VPS41: variants seen among roughly 807,000 people sequenced by gnomAD.
The protein encoded by VPS41 is VPS41 subunit of HOPS complex.
Under a neutral mutation model 130.9 loss-of-function variants are expected in VPS41, and 85 were observed. The ratio of observed to expected loss-of-function variants is 0.65; its 90% CI spans 0.55 to 0.78. The LOEUF (loss-of-function observed/expected upper bound fraction) is 0.78. Ranked by LOEUF, VPS41 falls within the 30% of genes least tolerant of loss-of-function variation. VPS41 has a pLI of 0.00. For synonymous variants in VPS41, 335 were observed against 332.9 expected (o/e 1.01, Z -0.07); for missense variants, 874 against 1,018.7 (o/e 0.86, Z 1.93).
At chr7:38,839,991 C>T (rs183920703) in intron 4 of VPS41, among the ~76,000 whole-genome samples, 1 of 152,326 alleles carries the variant, frequency 6.6e-6, no homozygotes, top group East Asian at 1.9e-4. Flanking sequence ...CCACTCAGTG[C>T]TCCGGGGCCT....
At position 38,776,689 on chromosome 7, in the gene VPS41, G is replaced by T; in HGVS notation, c.872C>A (p.Ser291Ter). Residue 291 changes from serine (S) to a stop codon, truncating the protein, a stop_gained, in exon 11 of 29, where the codon TCA becomes TAA. Transcript: ENST00000310301. LOFTEE classifies it high-confidence loss of function. ...LVVLSYVKEISEKTEREYCAR... is the reference protein window; with the variant it reads ...LVVLSYVKEI ...GGAGAAAATAATTACCGTTTTTTCT[G>T]AAATCTCCTTTACATACGAAAGTAC... 1 of 1,599,586 alleles carries T rather than the reference G, an allele frequency of 6.3e-7. No individual in the cohort carries two copies. Among genetic ancestry groups the T allele is most frequent in the Non-Finnish European group, 8.6e-7 (1 of 1,167,316 alleles).
At chr7:38,827,369 A>G (rs1384695122) in intron 5 of VPS41, among the ~76,000 whole-genome samples, 1 of 152,214 alleles carries the variant, frequency 6.6e-6, no homozygotes, top group Non-Finnish European at 1.5e-5. Context: ...ACGTCACACA[A>G]TATGAATGAA....
At chr7:38,858,941 G>C (rs1360277198) in intron 4 of VPS41, among the ~76,000 whole-genome samples, 2 of 152,116 alleles carry the variant, frequency 1.3e-5, no homozygotes, top group Non-Finnish European at 2.9e-5. Context: ...CAAGAAGAAG[G>C]CATTGTTATC....
Position 38,743,447 on chromosome 7 carries a change from C to A in VPS41, c.2077G>T (p.Gly693Ter). Residue 693 changes from glycine to a stop codon, truncating the protein, a stop_gained, in exon 24 of 29, where the codon GGA becomes TGA. Transcript: ENST00000310301. LOFTEE classifies it high-confidence loss of function. ...AIEFAKEQDD[G>*]ELWEDLILYS... Reference sequence around the variant, plus strand: ...AAAATCAAATCTTCCCACAGCTCTCCATCATCTTGCTCCTTGGCAAATTCG... The same window carrying A: ...AAAATCAAATCTTCCCACAGCTCTCAATCATCTTGCTCCTTGGCAAATTCG... 6.2e-7 allele frequency: 1 copy of A among 1,614,022 alleles called. No homozygotes were observed.
rs1272807844 is a variant in VPS41, at chr7:38,821,055, C to A, written c.384+148G>T. ...ATACACATTCTGTCTTCTTTCACAG[C>A]ATCTAAATAGTATCCAGTACATCTG... On this transcript the variant is annotated intron_variant, in intron 6 of 28. Coordinates refer to ENST00000310301, the MANE Select transcript of VPS41 (RefSeq NM_014396.4). 4 of 616,034 alleles carry A rather than the reference C, an allele frequency of 6.5e-6. No homozygotes were observed. In the East Asian group the frequency reaches 1.1e-4, roughly 17 times the overall value. The allele number at this position is 616,034 out of a possible 1,614,324, so 38.2% of individuals were successfully genotyped here.
intron 7 of VPS41, among the ~76,000 whole-genome samples, chr7:38,806,878 A>G (rs563850685): frequency 6.6e-6 from 1 of 152,322 alleles, no homozygotes; most frequent in South Asian, 2.1e-4. Context: ...CTCTTGATGA[A>G]TATAAACAAT....
intron 2 of VPS41, among the ~76,000 whole-genome samples, chr7:38,881,133 G>A (rs990801138): frequency 6.6e-6 from 1 of 152,206 alleles, no homozygotes; most frequent in Non-Finnish European, 1.5e-5. Flanking sequence ...GTACAGTGCT[G>A]TAGATTAGAA....
intron 3 of VPS41, among the ~76,000 whole-genome samples, chr7:38,867,467 C>A (rs1400350348): frequency 6.6e-6 from 1 of 151,886 alleles, no homozygotes; most frequent in Non-Finnish European, 1.5e-5. Flanking sequence ...ATTGCTTGAA[C>A]CTGGGAGGCG....
chr7:38,784,844 C>G (rs1006059897), intron 10 of VPS41, among the ~76,000 whole-genome samples: 8 of 152,140 alleles, frequency 5.3e-5, no homozygotes, highest in Non-Finnish European at 7.3e-5. Flanking sequence ...GTACACAGAA[C>G]TTGCACTGCC....
intron 25 of VPS41, among the ~76,000 whole-genome samples, chr7:38,739,011 C>T (rs535283785): frequency 7.9e-5 from 12 of 152,332 alleles, no homozygotes; most frequent in African/African-American, 2.6e-4. Context: ...TTTCCCACAA[C>T]ATTCTCTAAC....
rs1210042074 is a variant in VPS41, at chr7:38,872,514, A to C, written c.61-3261T>G. Among the ~76,000 whole-genome samples, 16 of 152,242 alleles carry C rather than the reference A, an allele frequency of 1.1e-4. 2 individuals are homozygous for C. The highest frequency in any genetic ancestry group is 1.0e-3 in the Admixed American group (16 of 15,280). The stretch of plus-strand genomic sequence containing the variant: ...AAATTCAATTCCCTTGTTATACATA[A>C]GCTATTAGCTGTTTATTTCGGATGC... On this transcript the variant is annotated intron_variant, in intron 2 of 28. Coordinates refer to ENST00000310301, the MANE Select transcript of VPS41 (RefSeq NM_014396.4).
At chr7:38,886,697 T>A (rs772822429) in intron 2 of VPS41, among the ~76,000 whole-genome samples, 4 of 152,196 alleles carry the variant, frequency 2.6e-5, no homozygotes, top group Non-Finnish European at 4.4e-5. Context: ...TGAGCTCCAA[T>A]AACGGACAGA....
chr7:38,830,061 T>G (rs947884183), intron 5 of VPS41, among the ~76,000 whole-genome samples, 193 bp downstream of exon 5: 5 of 152,250 alleles, frequency 3.3e-5, no homozygotes, highest in Non-Finnish European at 5.9e-5. Context: ...TTGACATTCT[T>G]GTAATTACTT....
At chr7:38,826,076 T>C (rs1011303136) in intron 5 of VPS41, among the ~76,000 whole-genome samples, 63 of 152,222 alleles carry the variant, frequency 4.1e-4, no homozygotes, top group African/African-American at 1.5e-3. Context: ...GCAGTCAAGA[T>C]TGCTGGTTTT....
rs1331004519 is a variant in VPS41 at position 38,752,295 on chromosome 7, T to C, written c.1807A>G (p.Lys603Glu). 1 of 1,613,808 alleles carries C rather than the reference T, an allele frequency of 6.2e-7. No individual in the cohort carries two copies. Among genetic ancestry groups the C allele is most frequent in the South Asian group, 1.1e-5 (1 of 91,080 alleles). ...CGCTGCCCCTTATGGTGGTCTCTCT[T>C]GAAAAGCTTATGCAAATACTAAAAG... ...LQHVYLHKLF[K>E]RDHHKGQRYH... The change falls in exon 22 of 29, where the codon AAG becomes GAG. Residue 603 changes from lysine (K) to glutamate (E), a missense_variant. Coordinates refer to ENST00000310301, the MANE Select transcript of VPS41 (RefSeq NM_014396.4).
chr7:38,892,983 A>G (rs192114976), intron 2 of VPS41, among the ~76,000 whole-genome samples: 29 of 151,884 alleles, frequency 1.9e-4, no homozygotes, highest in African/African-American at 6.5e-4. Flanking sequence ...CACTCCTCCT[A>G]TCTCTTATGG....
At chr7:38,897,649 A>T (rs1346539280) in intron 2 of VPS41, among the ~76,000 whole-genome samples, 1 of 151,414 alleles carries the variant, frequency 6.6e-6, no homozygotes, top group Admixed American at 6.6e-5. Context: ...CGTCTCAAAA[A>T]AAAAAAAAAA....
intron 17 of VPS41, among the ~76,000 whole-genome samples, chr7:38,762,306 C>T (rs1783938753): frequency 6.6e-6 from 1 of 152,174 alleles, no homozygotes; most frequent in Non-Finnish European, 1.5e-5. Flanking sequence ...TTATAGAAAA[C>T]CTCAGTACCT....
intron 7 of VPS41, among the ~76,000 whole-genome samples, chr7:38,812,076 T>C (rs1434761354): frequency 6.6e-6 from 1 of 152,122 alleles, no homozygotes; most frequent in Non-Finnish European, 1.5e-5. Context: ...TATTTTTAAC[T>C]TACAATAGGC....
Sources: allele counts gnomAD v4.1 joint callset (sites outside exome capture counted in the v4.1 genomes callset), GRCh38; gene constraint gnomAD v4.1.1; transcripts MANE v1.5; gene names NCBI Gene and HGNC (gene_info 2026-07-23, HGNC 2026-07-21).